TMEM181: variants seen among roughly 807,000 people sequenced by gnomAD.
The protein encoded by TMEM181 is G protein-coupled receptor 178.
A neutral mutation model predicts 71.9 loss-of-function variants in TMEM181; 39 were observed. That is an observed-to-expected ratio of 0.54 (90% confidence interval 0.42 to 0.71). The LOEUF (loss-of-function observed/expected upper bound fraction) is 0.71, where lower values mean the gene tolerates loss of function less well. TMEM181 is among the 30% of genes least tolerant of loss of function. The pLI, the probability that TMEM181 is intolerant of heterozygous loss-of-function variation, is 0.00. For synonymous variants in TMEM181, 245 were observed against 228.8 expected, an observed-to-expected ratio of 1.07 and a Z score of -0.64; for missense variants, 595 against 583.0, an observed-to-expected ratio of 1.02 and a Z score of -0.21.
chr6:158,570,082 G>A (rs1397833210), intron 1 of TMEM181, among the ~76,000 whole-genome samples: 11 of 152,122 alleles, frequency 7.2e-5, no homozygotes, highest in Non-Finnish European at 1.3e-4. Flanking sequence ...GGTAGTTCTC[G>A]GAGCTCCATA....
chr6:158,598,777 C>T (rs950046912), intron 6 of TMEM181, among the ~76,000 whole-genome samples: 15 of 151,970 alleles, frequency 9.9e-5, no homozygotes, highest in African/African-American at 2.9e-4. Context: ...GGGTTCAGGC[C>T]ATTCTCCTGC....
chr6:158,579,658 G>T (rs1248679562), intron 2 of TMEM181, among the ~76,000 whole-genome samples: 3 of 152,106 alleles, frequency 2.0e-5, no homozygotes, highest in Admixed American at 2.0e-4. Context: ...GGCAGAGGTT[G>T]CAGTGAGCCG....
chr6:158,580,932 C>T lies in TMEM181; in HGVS notation c.113-8C>T. 1 of 1,590,106 alleles carries T rather than the reference C, an allele frequency of 6.3e-7. No homozygotes were observed. On this transcript the variant is annotated splice_polypyrimidine_tract_variant and splice_region_variant and intron_variant, in intron 2 of 16. Transcript: ENST00000684151. Reference sequence around the variant, plus strand: ...AATCTGCTTTTGTCCTTTTCTGTTACACTTTAGGACCTAAAGTGATCCAGA... The same window carrying T: ...AATCTGCTTTTGTCCTTTTCTGTTATACTTTAGGACCTAAAGTGATCCAGA...
At chr6:158,536,854 C>T (rs1781126852) in exon 1 of TMEM181, 13 of 1,466,222 alleles carry the variant, frequency 8.9e-6, no homozygotes, top group Non-Finnish European at 1.1e-5. Context: ...TCAAGGATGA[C>T]CGCTACTACA....
intron 1 of TMEM181, among the ~76,000 whole-genome samples, chr6:158,540,589 T>A (rs79988233): frequency 0.032 from 4,829 of 152,268 alleles, 252 homozygotes; most frequent in African/African-American, 0.11. Context: ...GAGACCAGCC[T>A]GAGCAACGTA....
chr6:158,592,341 A>G (rs925228438), intron 6 of TMEM181, among the ~76,000 whole-genome samples: 1 of 152,160 alleles, frequency 6.6e-6, no homozygotes, highest in African/African-American at 2.4e-5. Context: ...TCTTTTTTCA[A>G]CCAATCAATT....
chr6:158,584,547 G>T (rs1342173550), intron 4 of TMEM181, among the ~76,000 whole-genome samples: 1 of 152,174 alleles, frequency 6.6e-6, no homozygotes, highest in Admixed American at 6.5e-5. Context: ...CTCCCCTAAT[G>T]CATCCATTGT....
intron 3 of TMEM181, among the ~76,000 whole-genome samples, chr6:158,582,697 C>T (rs548923227): frequency 1.3e-4 from 20 of 152,024 alleles, no homozygotes; most frequent in Non-Finnish European, 2.5e-4. Context: ...AACCCATTCA[C>T]CTCCAAAGAC....
chr6:158,590,962 T>C (rs1490457779), intron 6 of TMEM181, among the ~76,000 whole-genome samples: 2 of 152,194 alleles, frequency 1.3e-5, no homozygotes, highest in African/African-American at 4.8e-5. Flanking sequence ...CAACGTGTGG[T>C]CTTCGGTGAC....
At chr6:158,574,882 A>T (rs550521345) in intron 2 of TMEM181, among the ~76,000 whole-genome samples, 2 of 152,370 alleles carry the variant, frequency 1.3e-5, no homozygotes, top group East Asian at 3.9e-4. Context: ...CCCATGGTGT[A>T]GTTCCAGTCC....
Position 158,608,319 on chromosome 6 carries a change from C to G in TMEM181, c.674-14C>G. ...GCCTGTTTTCCACATGGATTTCTGC[C>G]CTTTGTGTTCCAGATCCGTTCTTCC... On this transcript the variant is annotated splice_polypyrimidine_tract_variant and intron_variant, in intron 8 of 16. Coordinates refer to ENST00000684151, the MANE Select transcript of TMEM181 (RefSeq NM_001376852.1). The G allele has an allele frequency of 1.2e-6, 2 of 1,614,090 alleles. No homozygotes were observed. Among genetic ancestry groups the G allele is most frequent in the Non-Finnish European group, 8.5e-7 (1 of 1,179,976 alleles).
Position 158,623,570 on chromosome 6 carries a change from C to A in TMEM181, c.917C>A (p.Pro306Gln). The change falls in exon 11 of 17, where the codon CCA becomes CAA. Residue 306 changes from proline (P) to glutamine (Q), a missense_variant. By Grantham distance (76) the Pro-to-Gln change is moderately conservative (BLOSUM62 -1). Coordinates refer to ENST00000684151, the MANE Select transcript of TMEM181 (RefSeq NM_001376852.1). Reference sequence around the variant, plus strand: ...TTTAGAGTTAACGAATTACATGATCCAATGTACCAGTATCGAGTTGATACC... The same window carrying A: ...TTTAGAGTTAACGAATTACATGATCAAATGTACCAGTATCGAGTTGATACC... ...IWQTVNELHD[P>Q]MYQYRVDTGN... The A allele has an allele frequency of 6.3e-7, 1 of 1,576,830 alleles. No individual in the cohort carries two copies. The highest frequency in any genetic ancestry group is 8.6e-7 in the Non-Finnish European group (1 of 1,158,618).
At chr6:158,539,580 C>G (rs1329097669) in intron 1 of TMEM181, among the ~76,000 whole-genome samples, 2 of 152,220 alleles carry the variant, frequency 1.3e-5, no homozygotes, top group Non-Finnish European at 2.9e-5. Context: ...CAGGGCGAAG[C>G]AAAGAACACA....
chr6:158,626,592 C>T (rs970053787), intron 13 of TMEM181: 1 of 456,780 alleles, frequency 2.2e-6, no homozygotes, highest in Admixed American at 2.3e-5. Context: ...CGTCCACCAC[C>T]ACTAGGAGTG....
intron 1 of TMEM181, among the ~76,000 whole-genome samples, chr6:158,553,190 GA>G (rs5881273): frequency 2.3e-3 from 333 of 145,818 alleles, no homozygotes; most frequent in African/African-American, 6.9e-3. Context: ...CCCTGTCTCC[GA>G]AAAAAAAAAA....
upstream of TMEM181, among the ~76,000 whole-genome samples, chr6:158,559,746 T>C (rs1782043009): frequency 2.0e-5 from 3 of 152,180 alleles, no homozygotes; most frequent in South Asian, 6.2e-4. Flanking sequence ...CCTAGAAAAA[T>C]GCAGACACCC....
At chr6:158,589,824 C>A in intron 6 of TMEM181, 42 bp downstream of exon 6, 1 of 1,343,330 alleles carries the variant, frequency 7.4e-7, no homozygotes, top group South Asian at 1.2e-5. Context: ...GGCTCATGTT[C>A]TAGTTCCCAT....
intron 10 of TMEM181, chr6:158,611,683 C>A: frequency 3.8e-6 from 1 of 263,952 alleles, no homozygotes; most frequent in Non-Finnish European, 7.5e-6. Flanking sequence ...GCGGCCCCGC[C>A]CACACCTGTG....
chr6:158,600,342 G>C (rs1464709190), intron 6 of TMEM181, among the ~76,000 whole-genome samples: 1 of 151,958 alleles, frequency 6.6e-6, no homozygotes, highest in African/African-American at 2.4e-5. Context: ...TAGAGACAGG[G>C]TTTCTCCATG....
Sources: allele counts gnomAD v4.1 joint callset (sites outside exome capture counted in the v4.1 genomes callset), GRCh38; gene constraint gnomAD v4.1.1; transcripts MANE v1.5; gene names NCBI Gene and HGNC (gene_info 2026-07-23, HGNC 2026-07-21).